The following SCMH1 variants were observed in gnomAD, a reference collection of about 807,000 sequenced individuals.
The protein encoded by SCMH1 is Scm polycomb group protein homolog 1.
In SCMH1, 37 loss-of-function variants were observed where a neutral mutation model predicts 70.8. The observed-to-expected ratio is 0.52, with a 90% CI of 0.40 to 0.69. The LOEUF is 0.69. SCMH1 is among the 30% of genes least tolerant of loss of function. The probability of loss-of-function intolerance (pLI) is 0.00; values close to 1 mark genes in which losing one functional copy is unlikely to be tolerated. For missense variants in SCMH1, 607 were observed against 827.3 expected (o/e 0.73, Z 3.27); for synonymous variants, 292 against 307.4 (o/e 0.95, Z 0.52).
intron 1 of SCMH1, among the ~76,000 whole-genome samples, chr1:41,210,982 G>C (rs554387545): frequency 2.0e-5 from 3 of 152,136 alleles, no homozygotes; most frequent in Admixed American, 1.3e-4. Flanking sequence ...GCTAATGTTT[G>C]TATTTTTCAT....
intron 5 of SCMH1, among the ~76,000 whole-genome samples, chr1:41,147,224 A>C (rs900424477): frequency 6.6e-6 from 1 of 152,100 alleles, no homozygotes; most frequent in Non-Finnish European, 1.5e-5. Context: ...GTTTGTTCTA[A>C]ATCTTTCGAC....
chr1:41,187,725 CAA>C (rs1650604750), intron 1 of SCMH1, among the ~76,000 whole-genome samples: 3 of 150,288 alleles, frequency 2.0e-5, no homozygotes, highest in Admixed American at 1.3e-4. Context: ...CGCCTGAACT[CAA>C]GAGTTCGAGA....
At chr1:41,173,338 T>C (rs568369506) in intron 2 of SCMH1, among the ~76,000 whole-genome samples, 6 of 152,174 alleles carry the variant, frequency 3.9e-5, no homozygotes, top group South Asian at 2.1e-4. Flanking sequence ...AAAGAAGACA[T>C]AGAAATGGCT....
At chr1:41,110,970 TA>T (rs1389095116) in intron 8 of SCMH1, among the ~76,000 whole-genome samples, 1 of 152,244 alleles carries the variant, frequency 6.6e-6, no homozygotes, top group African/African-American at 2.4e-5. Context: ...CTTTTGCTTA[TA>T]GCTGTATCCA....
At chr1:41,047,006 C>T (rs776651186) in intron 11 of SCMH1, among the ~76,000 whole-genome samples, 4 of 152,156 alleles carry the variant, frequency 2.6e-5, no homozygotes, top group Non-Finnish European at 4.4e-5. Flanking sequence ...TAGCCATAGC[C>T]AGCAATGGTA....
intron 6 of SCMH1, among the ~76,000 whole-genome samples, chr1:41,119,892 C>A (rs1343949884): frequency 2.6e-5 from 4 of 152,160 alleles, no homozygotes; most frequent in Non-Finnish European, 4.4e-5. Flanking sequence ...GGGTTTTTAA[C>A]TGCTACTCTT....
chr1:41,059,063 C>T (rs1651648328), intron 10 of SCMH1, among the ~76,000 whole-genome samples: 1 of 152,184 alleles, frequency 6.6e-6, no homozygotes, highest in Non-Finnish European at 1.5e-5. Context: ...TTTTACCTTT[C>T]CTTTGGGGAT....
At chr1:41,080,790 T>C (rs1558699982) in intron 8 of SCMH1, among the ~76,000 whole-genome samples, 1 of 152,124 alleles carries the variant, frequency 6.6e-6, no homozygotes, top group South Asian at 2.1e-4. Context: ...AACGCATCTA[T>C]AAAAAACCTA....
chr1:41,107,509 A>T (rs995185729), intron 8 of SCMH1, among the ~76,000 whole-genome samples: 1 of 151,746 alleles, frequency 6.6e-6, no homozygotes, highest in Non-Finnish European at 1.5e-5. Flanking sequence ...TTCTCTCTGT[A>T]GTCTAGGATT....
At chr1:41,128,046 GATCT>G (rs564152276) in intron 6 of SCMH1, among the ~76,000 whole-genome samples, 11 of 152,250 alleles carry the variant, frequency 7.2e-5, no homozygotes, top group Admixed American at 5.9e-4. Context: ...TATACAGTCA[GATCT>G]ATCTCTGGAT....
intron 8 of SCMH1, among the ~76,000 whole-genome samples, chr1:41,093,489 G>A (rs1300322281): frequency 2.0e-5 from 3 of 152,104 alleles, no homozygotes; most frequent in Non-Finnish European, 4.4e-5. Flanking sequence ...CCTGCACGTT[G>A]TGCACGTGTA....
intron 2 of SCMH1, among the ~76,000 whole-genome samples, chr1:41,177,406 T>C (rs1421116474): frequency 1.3e-5 from 2 of 151,866 alleles, no homozygotes; most frequent in East Asian, 3.9e-4. Flanking sequence ...CTTTGATGAG[T>C]TGAGAGAAGA....
intron 13 of SCMH1, among the ~76,000 whole-genome samples, chr1:41,035,640 C>T (rs1370420575): frequency 2.0e-5 from 3 of 152,170 alleles, no homozygotes; most frequent in Non-Finnish European, 4.4e-5. Flanking sequence ...TGCCTATGCC[C>T]TTGATCCCAC....
chr1:41,142,579 TA>T (rs1335020516), intron 6 of SCMH1, among the ~76,000 whole-genome samples: 3 of 152,156 alleles, frequency 2.0e-5, no homozygotes, highest in Non-Finnish European at 4.4e-5. Context: ...TGAGATAGGT[TA>T]AACGGCAAGA....
chr1:41,147,227 C>A (rs946677401), intron 5 of SCMH1, among the ~76,000 whole-genome samples: 4 of 152,154 alleles, frequency 2.6e-5, no homozygotes, highest in African/African-American at 9.7e-5. Context: ...TGTTCTAAAT[C>A]TTTCGACCCA....
intron 8 of SCMH1, among the ~76,000 whole-genome samples, chr1:41,081,568 A>G (rs1033816146): frequency 2.0e-5 from 3 of 152,248 alleles, no homozygotes; most frequent in African/African-American, 7.2e-5. Flanking sequence ...CTGTAACCCC[A>G]GCACTCTGGG....
chr1:41,106,500 T>G (rs1479178507), intron 8 of SCMH1, among the ~76,000 whole-genome samples: 3 of 151,792 alleles, frequency 2.0e-5, no homozygotes, highest in African/African-American at 4.9e-5. Flanking sequence ...CTTTTTTCTT[T>G]ATAAATTACC....
At position 41,092,537 on chromosome 1, in the gene SCMH1, C is replaced by T. The variant is rs1376919036; in HGVS notation, c.746-17086G>A. On this transcript the variant is annotated intron_variant, in intron 8 of 14. Coordinates refer to ENST00000337495, the Ensembl canonical transcript of SCMH1. ...AATTGACAAATGGGATCTAATTAAA[C>T]GAAAGAGCTTCTGCACAGCAAAAGA... is the stretch of plus-strand genomic sequence containing the variant. Among the ~76,000 whole-genome samples the T allele has an allele frequency of 3.3e-5, 5 of 152,280 alleles. No homozygotes were observed. The East Asian group carries it at 5.8e-4, about 18-fold the overall frequency.
intron 1 of SCMH1, among the ~76,000 whole-genome samples, chr1:41,201,035 T>A (rs1023253787): frequency 6.6e-6 from 1 of 152,222 alleles, no homozygotes. Context: ...TACAGTCTAA[T>A]AGGTTAGAAT....
Sources: gnomAD v4.1 joint callset for allele counts (sites outside exome capture counted in the v4.1 genomes callset) on GRCh38, gnomAD v4.1.1 for gene constraint, MANE v1.5 for transcripts, NCBI Gene and HGNC (gene_info 2026-07-23, HGNC 2026-07-21) for gene names.